The following FAM135B variants were observed in gnomAD, a reference collection of about 807,000 sequenced individuals.
The protein encoded by FAM135B is protein FAM135B.
A neutral mutation model predicts 127.7 loss-of-function variants in FAM135B; 43 were observed. The observed-to-expected ratio is 0.34, with a 90% CI of 0.26 to 0.43. FAM135B has a LOEUF of 0.43. FAM135B is among the 20% of genes least tolerant of loss of function. FAM135B has a pLI of 1.00. For missense variants in FAM135B, 1,558 were observed against 1,725.6 expected (o/e 0.90, Z 1.72); for synonymous variants, 670 against 665.1 (o/e 1.01, Z -0.11).
chr8:138,257,615 TCTC>T (rs1038381554), intron 4 of FAM135B, among the ~76,000 whole-genome samples: 13 of 152,124 alleles, frequency 8.5e-5, no homozygotes, highest in African/African-American at 3.1e-4. Flanking sequence ...TAGGACTTGG[TCTC>T]CTCCTCATTC....
At chr8:138,194,245 C>T (rs765870550) in intron 9 of FAM135B, among the ~76,000 whole-genome samples, 3 of 152,158 alleles carry the variant, frequency 2.0e-5, no homozygotes, top group Admixed American at 1.3e-4. Context: ...CCCAGGCTGC[C>T]GTCCAACAGC....
intron 6 of FAM135B, among the ~76,000 whole-genome samples, chr8:138,244,791 G>T (rs978812110): frequency 2.6e-5 from 4 of 152,126 alleles, no homozygotes; most frequent in Non-Finnish European, 5.9e-5. Flanking sequence ...GTCTTAATTA[G>T]CTTTTCTGGT....
rs543048830 is a variant in FAM135B, at chr8:138,148,167, C to T, written c.3448+353G>A. Among the ~76,000 whole-genome samples, 14 of 152,242 alleles carry T rather than the reference C, an allele frequency of 9.2e-5. No individual in the cohort carries two copies. In the East Asian group the frequency reaches 2.5e-3, roughly 27 times the overall value. ...CATGCACTTCATTAATATATTCATT[C>T]CCATAATACATTAATTTCATTAATT... On this transcript the variant is annotated intron_variant, in intron 14 of 19. Coordinates refer to ENST00000395297, the MANE Select transcript of FAM135B (RefSeq NM_015912.4).
intron 4 of FAM135B, among the ~76,000 whole-genome samples, chr8:138,257,655 C>T (rs1304794079): frequency 1.3e-5 from 2 of 152,020 alleles, no homozygotes; most frequent in African/African-American, 2.4e-5. Flanking sequence ...CCTTTTCATC[C>T]GTAACCACAA....
chr8:138,251,150 C>T, intron 5 of FAM135B, 136 bp from the exon 6 acceptor site: 1 of 1,025,546 alleles, frequency 9.8e-7, no homozygotes, highest in Non-Finnish European at 1.4e-6. Context: ...AAATGCTCTG[C>T]CTGGTAGAAA....
intron 1 of FAM135B, among the ~76,000 whole-genome samples, chr8:138,461,902 C>T (rs1049281632): frequency 3.3e-5 from 5 of 152,212 alleles, no homozygotes; most frequent in South Asian, 2.1e-4. Context: ...TGCTAATAAC[C>T]GCCCACCCAG....
intron 7 of FAM135B, among the ~76,000 whole-genome samples, chr8:138,212,300 G>T (rs539272104): frequency 6.6e-6 from 1 of 152,268 alleles, no homozygotes; most frequent in African/African-American, 2.4e-5. Flanking sequence ...AAAGTAGAAA[G>T]AGGGATGCTT....
intron 7 of FAM135B, among the ~76,000 whole-genome samples, chr8:138,202,122 T>A (rs1331260287): frequency 8.7e-5 from 1 of 11,544 alleles, no homozygotes; most frequent in African/African-American, 6.0e-4. Flanking sequence ...TGAAACTCTG[T>A]CTCAAAAAAA....
chr8:138,471,375 G>A (rs1837668696), intron 1 of FAM135B, among the ~76,000 whole-genome samples: 1 of 152,178 alleles, frequency 6.6e-6, no homozygotes, highest in Non-Finnish European at 1.5e-5. Context: ...ATCATTAAGA[G>A]AATATGACTG....
intron 1 of FAM135B, among the ~76,000 whole-genome samples, chr8:138,459,820 C>T (rs1259591302): frequency 6.6e-6 from 1 of 152,140 alleles, no homozygotes; most frequent in East Asian, 1.9e-4. Context: ...CAGGCCCCCT[C>T]TGAAAGTCTG....
chr8:138,237,786 GCCTGC>G (rs1820417401), intron 7 of FAM135B, among the ~76,000 whole-genome samples: 1 of 152,128 alleles, frequency 6.6e-6, no homozygotes, highest in Non-Finnish European at 1.5e-5. Flanking sequence ...TGGGTCTCCA[GCCTGC>G]CAGCCTACCC....
intron 7 of FAM135B, among the ~76,000 whole-genome samples, chr8:138,212,327 T>G (rs1016952173): frequency 2.0e-5 from 3 of 152,132 alleles, no homozygotes; most frequent in African/African-American, 7.2e-5. Context: ...ACTCAGCAGA[T>G]AGAGTGATGT....
intron 4 of FAM135B, among the ~76,000 whole-genome samples, chr8:138,262,758 C>T (rs1266040544): frequency 2.6e-5 from 4 of 151,542 alleles, no homozygotes; most frequent in East Asian, 1.9e-4. Flanking sequence ...AAAAATTAGC[C>T]GGGCATGGTG....
chr8:138,232,424 C>A (rs1373597274), intron 7 of FAM135B, among the ~76,000 whole-genome samples: 2 of 152,038 alleles, frequency 1.3e-5, no homozygotes, highest in East Asian at 1.9e-4. Context: ...ATACTGTAGA[C>A]CTTTGCATTA....
chr8:138,147,890 G>A (rs775851118), intron 14 of FAM135B, among the ~76,000 whole-genome samples: 4 of 152,194 alleles, frequency 2.6e-5, no homozygotes, highest in Non-Finnish European at 5.9e-5. Flanking sequence ...GACTGGTCAT[G>A]CATGACATCG....
At chr8:138,350,863 G>A (rs1466033772) in intron 2 of FAM135B, among the ~76,000 whole-genome samples, 1 of 152,038 alleles carries the variant, frequency 6.6e-6, no homozygotes, top group Middle Eastern at 3.2e-3. Flanking sequence ...ATACCTTGTG[G>A]TGCCTACCCA....
intron 1 of FAM135B, among the ~76,000 whole-genome samples, chr8:138,462,278 A>T (rs570788524): frequency 6.6e-6 from 1 of 152,304 alleles, no homozygotes; most frequent in African/African-American, 2.4e-5. Flanking sequence ...TTTGGGGACA[A>T]CACATTGTTC....
intron 9 of FAM135B, among the ~76,000 whole-genome samples, chr8:138,192,511 C>A (rs1008579939): frequency 6.6e-6 from 1 of 152,208 alleles, no homozygotes; most frequent in Non-Finnish European, 1.5e-5. Flanking sequence ...AATAATATCA[C>A]TATTGTAAAA....
At chr8:138,468,605 C>T (rs957285576) in intron 1 of FAM135B, among the ~76,000 whole-genome samples, 4 of 152,194 alleles carry the variant, frequency 2.6e-5, no homozygotes, top group Non-Finnish European at 5.9e-5. Context: ...GTATCTGTCA[C>T]AACTTGCTTT....
Sources: allele counts gnomAD v4.1 joint callset (sites outside exome capture counted in the v4.1 genomes callset), GRCh38; gene constraint gnomAD v4.1.1; transcripts MANE v1.5; gene names NCBI Gene and HGNC (gene_info 2026-07-23, HGNC 2026-07-21).